The following SOD2 variants were observed in gnomAD, a reference collection of about 807,000 sequenced individuals.
SOD2 encodes superoxide dismutase 2.
Under a neutral mutation model 27.0 loss-of-function variants are expected in SOD2, and 11 were observed. The ratio of observed to expected loss-of-function variants is 0.41; its 90% CI spans 0.26 to 0.67. SOD2 has a LOEUF of 0.67. Among genes scored for constraint, SOD2 ranks in the 30% least tolerant of loss-of-function variants. SOD2 has a pLI of 0.34. For synonymous variants in SOD2, 105 were observed against 103.0 expected (o/e 1.02, Z -0.12); for missense variants, 250 against 274.5 (o/e 0.91, Z 0.63).
intron 1 of SOD2, chr6:159,713,029 C>A: frequency 1.6e-6 from 1 of 639,536 alleles, no homozygotes; most frequent in South Asian, 2.0e-5. Flanking sequence ...TAAACTCTGT[C>A]ATCGTGTCCA....
intron 1 of SOD2, among the ~76,000 whole-genome samples, chr6:159,709,700 A>T (rs1278319992): frequency 2.0e-5 from 3 of 152,214 alleles, no homozygotes; most frequent in African/African-American, 4.8e-5. Context: ...ATTGTGGAAG[A>T]CAGTGTGGCG....
At chr6:159,692,919 G>T in intron 1 of SOD2, 56 bp from the exon 2 acceptor site, 1 of 1,458,136 alleles carries the variant, frequency 6.9e-7, no homozygotes. Context: ...GTCTACGCAG[G>T]CTGGGCTGCC....
At chr6:159,762,241 GA>G in exon 1 of SOD2, 1 of 1,427,410 alleles carries the variant, frequency 7.0e-7, no homozygotes, top group Non-Finnish European at 9.3e-7. Context: ...GTATGTGGAG[GA>G]AGCCGGTCAG....
chr6:159,692,410 G>T, intron 2 of SOD2: 1 of 1,394,764 alleles, frequency 7.2e-7, no homozygotes, highest in Non-Finnish European at 9.4e-7. Flanking sequence ...GCTCACAACA[G>T]TAAGGCAAGC....
rs921191193 is a variant in SOD2 at position 159,680,741 on chromosome 6, C to T, written c.*1752G>A. ...ACTTGAGGTCAGGAGTTCGAGACCACCCTGGCCAACATGGTGAAACCCTGT... is the reference window on the plus strand; with the variant it reads ...ACTTGAGGTCAGGAGTTCGAGACCATCCTGGCCAACATGGTGAAACCCTGT... On this transcript the variant is annotated 3_prime_UTR_variant, in exon 5 of 5. Transcript: ENST00000538183. The T allele has an allele frequency of 6.6e-6, 1 of 151,900 alleles. No individual in the cohort carries two copies. The highest frequency in any genetic ancestry group is 2.1e-4 in the South Asian group (1 of 4,824). The allele number at this position is 151,900 out of a possible 1,614,324, so 9.4% of individuals were successfully genotyped here. A position where few individuals can be genotyped will look rare whatever the true frequency, so the allele number is the denominator to read the frequency against.
chr6:159,713,725 CA>C, intron 1 of SOD2: 3 of 911,098 alleles, frequency 3.3e-6, no homozygotes. Context: ...TCCATTTCAA[CA>C]CTATTAGACT....
chr6:159,761,064 A>G (rs927450), exon 1 of SOD2: 69,883 of 153,446 alleles, frequency 0.46, 18,128 homozygotes, highest in Non-Finnish European at 0.57. Context: ...ACCCATCCGC[A>G]TATCTCTGCA....
chr6:159,748,234 C>T (rs1485278280), upstream of SOD2: 9 of 1,613,848 alleles, frequency 5.6e-6, 1 homozygote, highest in Admixed American at 1.7e-5. The surrounding 1 kb of genome is among the most constrained non-coding windows in gnomAD (Gnocchi z 5.6). Context: ...CCGAGCGTTG[C>T]CCAACTGAGA....
intron 1 of SOD2, among the ~76,000 whole-genome samples, chr6:159,758,212 C>G (rs985048076): frequency 6.6e-6 from 1 of 151,662 alleles, no homozygotes; most frequent in Non-Finnish European, 1.5e-5. Flanking sequence ...TTGTTTTTCT[C>G]CCCTGTAAGA....
intron 1 of SOD2, chr6:159,713,801 G>A: frequency 9.9e-7 from 1 of 1,014,396 alleles, no homozygotes; most frequent in Non-Finnish European, 1.6e-6. Flanking sequence ...CGCTTCATCT[G>A]CAGATTCAAG....
intron 1 of SOD2, among the ~76,000 whole-genome samples, chr6:159,707,693 G>A (rs1269996946): frequency 6.6e-6 from 1 of 152,210 alleles, no homozygotes; most frequent in African/African-American, 2.4e-5. Context: ...GAGGTACAAG[G>A]AGGAGCTGGT....
At chr6:159,704,170 T>C (rs1192588161) in intron 1 of SOD2, among the ~76,000 whole-genome samples, 2 of 152,108 alleles carry the variant, frequency 1.3e-5, no homozygotes, top group African/African-American at 4.8e-5. Context: ...CAAATAGGAA[T>C]AGCTCCAGTC....
intron 1 of SOD2, chr6:159,753,455 T>C: frequency 6.2e-7 from 1 of 1,614,204 alleles, no homozygotes; most frequent in Non-Finnish European, 8.5e-7. Flanking sequence ...CTCTTTCCTT[T>C]GCAGCCAAAC....
chr6:159,713,698 T>C (rs1777872986), intron 1 of SOD2: 1 of 889,676 alleles, frequency 1.1e-6, no homozygotes. Context: ...TTCAGACCTG[T>C]GTGCTTCGAT....
rs1228467085 is a variant in SOD2 at position 159,673,855 on chromosome 6, A to T, written c.*8638T>A. The T allele has an allele frequency of 6.6e-6, 1 of 152,208 alleles. No homozygotes were observed. Among genetic ancestry groups the T allele is most frequent in the African/African-American group, 2.4e-5 (1 of 41,444 alleles). The allele number at this position is 152,208 out of a possible 1,614,324, so 9.4% of individuals were successfully genotyped here. On this transcript the variant is annotated 3_prime_UTR_variant, in exon 5 of 5. Coordinates refer to ENST00000538183, the MANE Select transcript of SOD2 (RefSeq NM_000636.4). ...ACACAATTGATAGACCGCTAGCAAG[A>T]CTAATAAACAAGAAAAGAGAGAAGA...
At chr6:159,757,834 C>T (rs1442251901) in intron 1 of SOD2, among the ~76,000 whole-genome samples, 1 of 152,198 alleles carries the variant, frequency 6.6e-6, no homozygotes, top group Non-Finnish European at 1.5e-5. Flanking sequence ...TTGTTATGTA[C>T]ATCCTTCAAC....
intron 1 of SOD2, among the ~76,000 whole-genome samples, chr6:159,715,290 G>A (rs961133508): frequency 5.9e-5 from 9 of 151,998 alleles, no homozygotes. Flanking sequence ...CTATTTACAG[G>A]TTAAGAAAAA....
intron 1 of SOD2, among the ~76,000 whole-genome samples, chr6:159,716,794 A>G (rs1777928758): frequency 6.6e-6 from 1 of 152,186 alleles, no homozygotes; most frequent in Admixed American, 6.5e-5. Context: ...CACACACACA[A>G]ATTGTCTTGT....
chr6:159,736,336 T>C lies in SOD2; in HGVS notation c.-116+8794A>G, dbSNP rs369148848. On this transcript the variant is annotated intron_variant, in intron 1 of 3. Transcript: ENST00000537657. ...TTGGGTTTTTTTGTTTTGTTTTGGG[T>C]TTTTTGGGGGCTTTTTTAAGCACTT... is the stretch of plus-strand genomic sequence containing the variant. 2.0e-6 allele frequency: 3 copies of C among 1,507,328 alleles called. No homozygotes were observed. The East Asian group carries it at 6.8e-5, about 34-fold the overall frequency. The allele number at this position is 1,507,328 out of a possible 1,614,324, so 93.4% of individuals were successfully genotyped here.
Sources: gnomAD v4.1 joint callset for allele counts (sites outside exome capture counted in the v4.1 genomes callset) on GRCh38, gnomAD v4.1.1 for gene constraint, Gnocchi (gnomAD v3.1) non-coding constraint, MANE v1.5 for transcripts, NCBI Gene and HGNC (gene_info 2026-07-23, HGNC 2026-07-21) for gene names.